Variants in HIVEP3 observed in about 807,000 individuals in gnomAD.
The protein encoded by HIVEP3 is HIVEP zinc finger 3.
HIVEP3 carries 49 observed loss-of-function variants against 152.8 expected under a neutral mutation model. The observed-to-expected ratio is 0.32, with a 90% confidence interval of 0.26 to 0.41. The LOEUF (loss-of-function observed/expected upper bound fraction) is 0.41. HIVEP3 is among the 10% of genes least tolerant of loss of function. HIVEP3 has a pLI of 1.00. For synonymous variants in HIVEP3, 1,269 were observed against 1,289.0 expected, an observed-to-expected ratio of 0.98 and a Z score of 0.33; for missense variants, 2,790 against 3,103.3, an observed-to-expected ratio of 0.90 and a Z score of 2.40.
At chr1:41,889,067 CCA>C (rs1644404555) in intron 1 of HIVEP3, among the ~76,000 whole-genome samples, 1 of 148,848 alleles carries the variant, frequency 6.7e-6, no homozygotes, top group African/African-American at 2.5e-5. Flanking sequence ...AACACATACA[CCA>C]CACACACCAC....
At position 41,653,983 on chromosome 1, in the gene HIVEP3, C is replaced by A. The variant is rs920273981; in HGVS notation, c.-720-25036G>T. On this transcript the variant is annotated intron_variant, in intron 2 of 8. Coordinates refer to ENST00000372583, the MANE Select transcript of HIVEP3 (RefSeq NM_024503.5). Reference sequence around the variant, plus strand: ...AAAAAAAAAAAAAAAAAAAAAAAAACCAGATTACCTTTAAAGGCCTTTCCA... The same window carrying A: ...AAAAAAAAAAAAAAAAAAAAAAAAAACAGATTACCTTTAAAGGCCTTTCCA... Among the ~76,000 whole-genome samples, 93 of 126,150 alleles carry A rather than the reference C, an allele frequency of 7.4e-4. 1 individual carries two copies. In the East Asian group the frequency reaches 8.1e-3, roughly 11 times the overall value. 82.8% of individuals were successfully genotyped at this position (126,150 alleles called of 152,430 possible). A position where few individuals can be genotyped will look rare whatever the true frequency, so the allele number is the denominator to read the frequency against.
chr1:41,998,123 A>G (rs1272115798), intron 1 of HIVEP3, among the ~76,000 whole-genome samples: 1 of 152,180 alleles, frequency 6.6e-6, no homozygotes, highest in Non-Finnish European at 1.5e-5. Flanking sequence ...TTAGAGTGTT[A>G]AAAGTCTGTC....
At chr1:41,983,901 A>G (rs1254202714) in intron 1 of HIVEP3, among the ~76,000 whole-genome samples, 1 of 152,250 alleles carries the variant, frequency 6.6e-6, no homozygotes, top group Non-Finnish European at 1.5e-5. Flanking sequence ...CCTCTCATGT[A>G]CAAAAGGGAG....
chr1:41,757,620 T>A (rs573581763), intron 1 of HIVEP3, among the ~76,000 whole-genome samples: 1 of 152,114 alleles, frequency 6.6e-6, no homozygotes, highest in Non-Finnish European at 1.5e-5. Flanking sequence ...TATCTCAGAA[T>A]AGGGGAATGG....
chr1:41,547,555 G>A lies in HIVEP3; in HGVS notation c.5208-22645C>T, dbSNP rs149958688. ...GGAATGGCTTGGCTGGTAGAGCGAGGAGCCCGAGGAGGTGGCCTGGGGCCA... is the reference window on the plus strand; with the variant it reads ...GGAATGGCTTGGCTGGTAGAGCGAGAAGCCCGAGGAGGTGGCCTGGGGCCA... On this transcript the variant is annotated intron_variant, in intron 5 of 8. Transcript: ENST00000372583. Among the ~76,000 whole-genome samples the A allele has an allele frequency of 2.8e-3, 432 of 152,254 alleles. 4 individuals carry two copies. The highest frequency in any genetic ancestry group is 0.01 in the African/African-American group (421 of 41,548).
rs182904161 is a variant in HIVEP3, at chr1:41,548,825, C to T, written c.5208-23915G>A. Among the ~76,000 whole-genome samples, 296 of 152,330 alleles carry T rather than the reference C, an allele frequency of 1.9e-3. 1 individual carries two copies. Among genetic ancestry groups the T allele is most frequent in the African/African-American group, 6.7e-3 (277 of 41,572 alleles). ...GTGCTGGGATTACAGGAGTGCACCA[C>T]TGCGCCCAGCCCTTGAAACTTTTTA... On this transcript the variant is annotated intron_variant, in intron 5 of 8. Transcript: ENST00000372583.
chr1:41,807,108 C>T (rs148912356), intron 1 of HIVEP3, among the ~76,000 whole-genome samples: 13 of 152,264 alleles, frequency 8.5e-5, no homozygotes, highest in African/African-American at 2.9e-4. Context: ...CGCTCATTGA[C>T]AGGTTTCAAA....
chr1:41,512,741 C>T (rs1303290713), intron 8 of HIVEP3, 75 bp downstream of exon 8: 3 of 1,226,128 alleles, frequency 2.4e-6, no homozygotes, highest in African/African-American at 3.0e-5. Flanking sequence ...AGGTGTGATA[C>T]CCAGGAGGGT....
rs1312788404 is a variant in HIVEP3, at chr1:41,582,937, C to T, written c.1861G>A (p.Val621Met). Residue 621 changes from valine to methionine, a missense_variant, in exon 4 of 9, where the codon GTG (valine) becomes ATG (methionine). Physicochemically the swap from Val to Met is conservative, Grantham distance 21. This residue lies in a region of HIVEP3 where 339 missense variants were observed against 327.0 expected (regional missense o/e 1.04). Coordinates refer to ENST00000372583, the MANE Select transcript of HIVEP3 (RefSeq NM_024503.5). The surrounding 1 kb of genome is among the most constrained non-coding windows in gnomAD (Gnocchi z 4.7). Reference protein sequence around the residue: ...KDTASKPSDEVEPKESELTKK... With the variant: ...KDTASKPSDEMEPKESELTKK... Reference sequence around the variant, plus strand: ...GTAAGCTCGCTTTCCTTGGGTTCCACTTCGTCCGAGGGCTTGGAGGCTGTG... The same window carrying T: ...GTAAGCTCGCTTTCCTTGGGTTCCATTTCGTCCGAGGGCTTGGAGGCTGTG... 6.2e-7 allele frequency: 1 copy of T among 1,614,140 alleles called. No homozygotes were observed. Among genetic ancestry groups the T allele is most frequent in the South Asian group, 1.1e-5 (1 of 91,074 alleles).
chr1:41,614,291 C>T (rs975920830), intron 3 of HIVEP3, among the ~76,000 whole-genome samples: 2 of 152,204 alleles, frequency 1.3e-5, no homozygotes, highest in African/African-American at 4.8e-5. Context: ...GGGCCACCAG[C>T]CCTGAGTCTA....
intron 3 of HIVEP3, among the ~76,000 whole-genome samples, chr1:41,599,980 C>T (rs1644722330): frequency 6.6e-6 from 1 of 152,078 alleles, no homozygotes; most frequent in Admixed American, 6.5e-5. Context: ...TCACCATTAC[C>T]AATTACTAGG....
chr1:41,965,999 AAGGGAAGCCCATC>A (rs556012422), intron 1 of HIVEP3, among the ~76,000 whole-genome samples: 31 of 152,324 alleles, frequency 2.0e-4, no homozygotes, highest in African/African-American at 7.0e-4. Context: ...GGTCACCTAC[AAGGGAAGCCCATC>A]AGACTAACAG....
At chr1:41,987,580 A>G (rs57687648) in intron 1 of HIVEP3, among the ~76,000 whole-genome samples, 1,943 of 152,300 alleles carry the variant, frequency 0.013, 33 homozygotes, top group African/African-American at 0.043. Flanking sequence ...ATAGAGACCA[A>G]TGGAACAGAA....
At position 41,671,259 on chromosome 1, in the gene HIVEP3, C is replaced by T. The variant is rs999183850; in HGVS notation, c.-721+29657G>A. Among the ~76,000 whole-genome samples, 16 of 152,362 alleles carry T rather than the reference C, an allele frequency of 1.1e-4. 1 individual carries two copies. In the South Asian group the frequency reaches 2.9e-3, roughly 28 times the overall value. On this transcript the variant is annotated intron_variant, in intron 2 of 8. Transcript: ENST00000372583. ...AGCCTCGACAGGGAGGCAGGGGCTT[C>T]GCCTTTCCTCTGCTACACACTGGCA...
At chr1:41,968,435 T>C (rs963463817) in intron 1 of HIVEP3, among the ~76,000 whole-genome samples, 1 of 152,134 alleles carries the variant, frequency 6.6e-6, no homozygotes, top group Non-Finnish European at 1.5e-5. Flanking sequence ...ATTCATCACA[T>C]AAACAGAACT....
At chr1:41,547,362 T>C (rs971986944) in intron 5 of HIVEP3, among the ~76,000 whole-genome samples, 18 of 151,990 alleles carry the variant, frequency 1.2e-4, no homozygotes, top group Non-Finnish European at 1.0e-4. Flanking sequence ...TTTGGAAGGA[T>C]AGCTGTTGAC....
At chr1:41,801,746 AAAAAT>A (rs1257037641) in intron 1 of HIVEP3, among the ~76,000 whole-genome samples, 5 of 152,044 alleles carry the variant, frequency 3.3e-5, no homozygotes, top group Admixed American at 1.3e-4. Context: ...TCCATCTGAA[AAAAAT>A]AAAATAAGAT....
chr1:41,903,904 CTT>C (rs377698322), intron 1 of HIVEP3, among the ~76,000 whole-genome samples: 8,924 of 140,088 alleles, frequency 0.064, 452 homozygotes, highest in African/African-American at 0.15. Context: ...CTTTTTTTTT[CTT>C]TTTTTTTTTT....
chr1:41,940,697 TGGG>T (rs1228830186), intron 1 of HIVEP3, among the ~76,000 whole-genome samples: 2 of 151,938 alleles, frequency 1.3e-5, no homozygotes, highest in Non-Finnish European at 2.9e-5. Flanking sequence ...GGGAAAGTTA[TGGG>T]GAGCTATAAA....
Sources: gnomAD v4.1 joint callset for allele counts (sites outside exome capture counted in the v4.1 genomes callset) on GRCh38, gnomAD v4.1.1 for gene constraint, gnomAD v4.1.1 regional missense constraint, Gnocchi (gnomAD v3.1) non-coding constraint, MANE v1.5 for transcripts, NCBI Gene and HGNC (gene_info 2026-07-23, HGNC 2026-07-21) for gene names.